NDUFB3: variants seen among roughly 807,000 people sequenced by gnomAD.
NDUFB3 encodes the protein NADH:ubiquinone oxidoreductase subunit B3, also known as NADH dehydrogenase [ubiquinone] 1 beta subcomplex subunit 3.
NDUFB3 carries 7 observed loss-of-function variants against 9.0 expected under a neutral mutation model. The observed-to-expected ratio is 0.78, with a 90% CI of 0.44 to 1.46. The LOEUF is 1.46. NDUFB3 is among the 40% of genes most tolerant of loss of function. The pLI is 0.01. For synonymous variants in NDUFB3, 29 were observed against 38.5 expected (o/e 0.75, Z 0.91); for missense variants, 93 against 115.4 (o/e 0.81, Z 0.89).
At chr2:201,073,345 A>G (rs2047117882) in intron 1 of NDUFB3, among the ~76,000 whole-genome samples, 1 of 152,184 alleles carries the variant, frequency 6.6e-6, no homozygotes, top group Non-Finnish European at 1.5e-5. Context: ...ACACTTTTGC[A>G]TGTAGTTTTT....
intron 1 of NDUFB3, among the ~76,000 whole-genome samples, chr2:201,076,165 C>T (rs1377488229): frequency 2.0e-5 from 3 of 151,818 alleles, no homozygotes; most frequent in African/African-American, 7.3e-5. Context: ...GTAATTTTAA[C>T]TTGTGTTTGA....
At chr2:201,072,266 T>C (rs983208083) in intron 1 of NDUFB3, 6 of 152,208 alleles carry the variant, frequency 3.9e-5, no homozygotes, top group African/African-American at 1.4e-4. Context: ...ATTACTGTAG[T>C]TGTTAAATCC....
intron 2 of NDUFB3, among the ~76,000 whole-genome samples, chr2:201,083,284 G>A: frequency 6.6e-6 from 1 of 151,474 alleles, no homozygotes; most frequent in East Asian, 1.9e-4. Context: ...TCTCCTAGGT[G>A]CCTTTTATCA....
At chr2:201,073,565 G>A (rs541220403) in intron 1 of NDUFB3, among the ~76,000 whole-genome samples, 18 of 152,188 alleles carry the variant, frequency 1.2e-4, no homozygotes, top group East Asian at 7.7e-4. Context: ...TCCAGAGATC[G>A]AGACCATTCT....
chr2:201,076,836 C>T (rs1282701414), intron 1 of NDUFB3, among the ~76,000 whole-genome samples: 1 of 152,132 alleles, frequency 6.6e-6, no homozygotes, highest in Non-Finnish European at 1.5e-5. Context: ...CACAGTGGCT[C>T]ACGCCTGTAA....
chr2:201,078,300 T>A (rs1677092359), intron 1 of NDUFB3, among the ~76,000 whole-genome samples: 1 of 151,354 alleles, frequency 6.6e-6, no homozygotes, highest in Admixed American at 6.6e-5. Context: ...AGACGCCGTC[T>A]CAAAAAATAA....
In NDUFB3 at chr2:201,073,315, A is replaced by T. The variant is rs76096257; in HGVS notation, c.-3+1256A>T. Among the ~76,000 whole-genome samples, 1,133 of 152,246 alleles carry T rather than the reference A, an allele frequency of 7.4e-3. 19 individuals are homozygous for T. Among genetic ancestry groups the T allele is most frequent in the African/African-American group, 0.026 (1,095 of 41,536 alleles). On this transcript the variant is annotated intron_variant, in intron 1 of 2. Coordinates refer to ENST00000237889, the MANE Select transcript of NDUFB3 (RefSeq NM_002491.3). ...CTGACTCACCCCTTGCTCATTATCC[A>T]TATTTGTGGAGATTCAATCACACTT...
chr2:201,079,148 T>A, intron 2 of NDUFB3, 126 bp downstream of exon 2: 2 of 1,149,342 alleles, frequency 1.7e-6, no homozygotes, highest in Non-Finnish European at 2.4e-6. Context: ...TTTTTTTTGG[T>A]TTTTGTTTTG....
intron 2 of NDUFB3, among the ~76,000 whole-genome samples, chr2:201,084,494 G>A (rs561657163): frequency 4.6e-5 from 7 of 151,628 alleles, no homozygotes; most frequent in African/African-American, 2.4e-5. Flanking sequence ...AAAAATTAGC[G>A]GGCATGGTGG....
intron 2 of NDUFB3, chr2:201,080,078 A>G (rs1457909647): frequency 3.3e-5 from 5 of 152,236 alleles, no homozygotes; most frequent in East Asian, 1.9e-4. Flanking sequence ...ATTATCTTCT[A>G]TGCTTTCTTT....
intron 1 of NDUFB3, among the ~76,000 whole-genome samples, chr2:201,076,969 G>A (rs942604646): frequency 4.6e-5 from 7 of 151,652 alleles, no homozygotes; most frequent in Admixed American, 3.3e-4. Context: ...GCATGGTGGC[G>A]CATGCCTGTA....
intron 1 of NDUFB3, among the ~76,000 whole-genome samples, chr2:201,077,331 T>A (rs2047174655): frequency 6.6e-6 from 1 of 152,182 alleles, no homozygotes; most frequent in South Asian, 2.1e-4. Flanking sequence ...TACCCCTTAA[T>A]TTGAATTAGC....
intron 2 of NDUFB3, among the ~76,000 whole-genome samples, 185 bp downstream of exon 2, chr2:201,079,207 C>T (rs1024639649): frequency 5.3e-5 from 8 of 152,052 alleles, no homozygotes; most frequent in African/African-American, 1.4e-4. Flanking sequence ...TGCAGTGGCG[C>T]GATCTCAGCT....
chr2:201,076,512 T>TATATATATATATATATATATATATATATA (rs1250913348), intron 1 of NDUFB3, among the ~76,000 whole-genome samples: 1 of 134,420 alleles, frequency 7.4e-6, no homozygotes, highest in African/African-American at 2.8e-5. Context: ...TATATATATA[T>TATATATATATATATATATATATATATATA]AATTAAATGT....
chr2:201,083,652 T>C (rs888090472), intron 2 of NDUFB3, among the ~76,000 whole-genome samples: 10 of 152,172 alleles, frequency 6.6e-5, no homozygotes, highest in Non-Finnish European at 1.3e-4. Flanking sequence ...CATCCTGTTA[T>C]TACCATTAAT....
At chr2:201,077,934 G>C (rs941619737) in intron 1 of NDUFB3, among the ~76,000 whole-genome samples, 1 of 152,084 alleles carries the variant, frequency 6.6e-6, no homozygotes, top group Admixed American at 6.6e-5. Flanking sequence ...TTTTAAAACA[G>C]GATGTATAAC....
chr2:201,085,151 G>A (rs1017646012), intron 2 of NDUFB3, among the ~76,000 whole-genome samples: 1 of 152,216 alleles, frequency 6.6e-6, no homozygotes, highest in African/African-American at 2.4e-5. Context: ...AATGACTAGT[G>A]TGGGCAGAGC....
intron 2 of NDUFB3, among the ~76,000 whole-genome samples, chr2:201,081,671 CAG>C (rs200822107): frequency 0.028 from 4,309 of 151,372 alleles, 212 homozygotes; most frequent in African/African-American, 0.1. Context: ...TTCTGGGAGA[CAG>C]AGTCTCACTG....
intron 2 of NDUFB3, among the ~76,000 whole-genome samples, chr2:201,081,486 G>C (rs1297900950): frequency 6.6e-6 from 1 of 151,442 alleles, no homozygotes; most frequent in Non-Finnish European, 1.5e-5. Flanking sequence ...CCATCTTAAA[G>C]AAAACAAAAA....
Sources: allele counts gnomAD v4.1 joint callset (sites outside exome capture counted in the v4.1 genomes callset), GRCh38; gene constraint gnomAD v4.1.1; transcripts MANE v1.5; gene names NCBI Gene and HGNC (gene_info 2026-07-23, HGNC 2026-07-21).